NOVA2: variants seen among roughly 807,000 people sequenced by gnomAD.
The protein encoded by NOVA2 is RNA-binding protein Nova-2.
In NOVA2, 9 loss-of-function variants were observed where a neutral mutation model predicts 22.5. That is an observed-to-expected ratio of 0.40 (90% CI 0.24 to 0.70). NOVA2 has a LOEUF of 0.70. NOVA2 is among the 30% of genes least tolerant of loss of function. NOVA2 has a pLI of 0.38. For missense variants in NOVA2, 383 were observed against 682.8 expected, an observed-to-expected ratio of 0.56 and a Z score of 4.89; for synonymous variants, 318 against 335.2, an observed-to-expected ratio of 0.95 and a Z score of 0.56.
chr19:45,957,913 A>G (rs998093911), intron 2 of NOVA2, among the ~76,000 whole-genome samples: 1 of 151,936 alleles, frequency 6.6e-6, no homozygotes, highest in Non-Finnish European at 1.5e-5. Flanking sequence ...CCTGGCCAAT[A>G]TGGTGAAACC....
chr19:45,944,372 G>T (rs1967806446), intron 3 of NOVA2, among the ~76,000 whole-genome samples: 1 of 152,020 alleles, frequency 6.6e-6, no homozygotes, highest in Admixed American at 6.6e-5. Flanking sequence ...AGCCCAGGAG[G>T]TTGAGGCTGC....
intron 1 of NOVA2, among the ~76,000 whole-genome samples, chr19:45,972,705 GC>G (rs1234598320): frequency 4.0e-5 from 6 of 151,780 alleles, no homozygotes; most frequent in Non-Finnish European, 8.8e-5. Flanking sequence ...ACCTGTCCTA[GC>G]CTCACATTCT....
chr19:45,957,515 G>A (rs751901298), intron 2 of NOVA2, among the ~76,000 whole-genome samples: 1 of 151,614 alleles, frequency 6.6e-6, no homozygotes, highest in Non-Finnish European at 1.5e-5. Context: ...CTCCAGCCTG[G>A]GCAACAACAG....
intron 3 of NOVA2, among the ~76,000 whole-genome samples, chr19:45,946,744 C>T (rs1001709452): frequency 4.0e-5 from 6 of 151,886 alleles, no homozygotes; most frequent in East Asian, 1.9e-4. Context: ...TGGTGGCACA[C>T]GCCTGTAGTT....
intron 2 of NOVA2, among the ~76,000 whole-genome samples, chr19:45,959,821 G>GGAGA (rs146270704): frequency 0.3 from 40,874 of 136,130 alleles, 6,022 homozygotes; most frequent in Non-Finnish European, 0.41. Context: ...AGACAGAGAG[G>GGAGA]GAGAGAGAGA....
At chr19:45,964,487 G>A (rs1487855552) in intron 1 of NOVA2, among the ~76,000 whole-genome samples, 4 of 150,896 alleles carry the variant, frequency 2.7e-5, no homozygotes, top group Non-Finnish European at 5.9e-5. Flanking sequence ...CAGCCAGGAA[G>A]CCTATTTTCA....
intron 2 of NOVA2, 67 bp downstream of exon 2, chr19:45,960,943 C>G: frequency 6.7e-7 from 1 of 1,487,910 alleles, no homozygotes; most frequent in Non-Finnish European, 9.1e-7. Flanking sequence ...TCATCTAGGG[C>G]CCAGGTGGGA....
chr19:45,944,944 G>A (rs1292103122), intron 3 of NOVA2, among the ~76,000 whole-genome samples: 2 of 152,126 alleles, frequency 1.3e-5, no homozygotes, highest in Non-Finnish European at 2.9e-5. Flanking sequence ...GTAGATTTGT[G>A]GTGGCTTGGG....
chr19:45,963,576 G>C (rs1357685041), intron 1 of NOVA2, among the ~76,000 whole-genome samples: 1 of 150,454 alleles, frequency 6.6e-6, no homozygotes, highest in Non-Finnish European at 1.5e-5. Context: ...CTGTCGCCCA[G>C]GCTGGAGTGC....
chr19:45,934,461 C>G lies in NOVA2; in HGVS notation c.*5402G>C, dbSNP rs550530407. On this transcript the variant is annotated 3_prime_UTR_variant, in exon 4 of 4. Coordinates refer to ENST00000263257, the MANE Select transcript of NOVA2 (RefSeq NM_002516.4). ...CACCTTTCCACACCTCTCCCACCACCCTGCCGGGGAATCTATGCACCCCAT... is the reference window on the plus strand; with the variant it reads ...CACCTTTCCACACCTCTCCCACCACGCTGCCGGGGAATCTATGCACCCCAT... 1 of 152,364 alleles carries G rather than the reference C, an allele frequency of 6.6e-6. No individual in the cohort carries two copies. Among genetic ancestry groups the G allele is most frequent in the South Asian group, 2.1e-4 (1 of 4,820 alleles). 9.4% of individuals were successfully genotyped at this position (152,364 alleles called of 1,614,324 possible).
chr19:45,973,467 GGCGGGGGCGGCGGCGGCT>G lies in NOVA2; in HGVS notation c.-134_-117del, dbSNP rs1331009378. ...AGGCTGGGGTTGCGGCGGCGGCGGCGGCGGGGGCGGCGGCGGCTGCGGGGCCGCGGAGGCCGTGAAGAG... is the reference window on the plus strand; with the variant it reads ...AGGCTGGGGTTGCGGCGGCGGCGGCGGCGGGGCCGCGGAGGCCGTGAAGAG... On this transcript the variant is annotated 5_prime_UTR_variant, in exon 1 of 4. Coordinates refer to ENST00000263257, the MANE Select transcript of NOVA2 (RefSeq NM_002516.4). 2 of 139,476 alleles carry G rather than the reference GGCGGGGGCGGCGGCGGCT, an allele frequency of 1.4e-5. No individual in the cohort carries two copies. Among genetic ancestry groups the G allele is most frequent in the African/African-American group, 2.7e-5 (1 of 36,638 alleles). 8.6% of individuals were successfully genotyped at this position (139,476 alleles called of 1,614,324 possible). A position where few individuals can be genotyped will look rare whatever the true frequency, so the allele number is the denominator to read the frequency against.
At chr19:45,947,607 A>T (rs1443109573) in intron 3 of NOVA2, among the ~76,000 whole-genome samples, 1 of 151,580 alleles carries the variant, frequency 6.6e-6, no homozygotes, top group Non-Finnish European at 1.5e-5. Flanking sequence ...CCGAGTAGCT[A>T]GGATTACAGG....
intron 3 of NOVA2, among the ~76,000 whole-genome samples, chr19:45,949,414 A>G (rs1967890402): frequency 6.6e-6 from 1 of 151,934 alleles, no homozygotes; most frequent in African/African-American, 2.4e-5. Context: ...CAGGAGTGGT[A>G]TTTAGTCTGT....
intron 1 of NOVA2, among the ~76,000 whole-genome samples, chr19:45,970,576 A>G (rs1054406858): frequency 2.6e-5 from 4 of 152,082 alleles, no homozygotes; most frequent in Admixed American, 1.3e-4. Flanking sequence ...GGGTCTCACC[A>G]TGTTGGCCAA....
chr19:45,971,558 C>T (rs1328979644), intron 1 of NOVA2, among the ~76,000 whole-genome samples: 1 of 152,108 alleles, frequency 6.6e-6, no homozygotes, highest in Non-Finnish European at 1.5e-5. Context: ...TCCCTGATTC[C>T]TGTCCCACCT....
chr19:45,946,612 G>A (rs955765673), intron 3 of NOVA2, among the ~76,000 whole-genome samples: 5 of 152,186 alleles, frequency 3.3e-5, no homozygotes, highest in African/African-American at 1.2e-4. Flanking sequence ...GGTGGCTCAC[G>A]CCTGTAATCC....
intron 3 of NOVA2, among the ~76,000 whole-genome samples, chr19:45,948,492 C>T (rs1373240147): frequency 1.3e-5 from 2 of 148,732 alleles, no homozygotes; most frequent in African/African-American, 5.0e-5. Flanking sequence ...CCCAGCTACT[C>T]GGGAGGCTGA....
At chr19:45,969,291 G>C (rs898786721) in intron 1 of NOVA2, among the ~76,000 whole-genome samples, 1 of 152,094 alleles carries the variant, frequency 6.6e-6, no homozygotes, top group Non-Finnish European at 1.5e-5. Flanking sequence ...GATCACCTGA[G>C]ATCAAGAATT....
intron 3 of NOVA2, among the ~76,000 whole-genome samples, chr19:45,946,022 A>C (rs181649059): frequency 0.02 from 3,051 of 149,268 alleles, 126 homozygotes; most frequent in African/African-American, 0.071. Context: ...AAAAAAAAAA[A>C]GGCCAGGCAT....
Sources: allele counts gnomAD v4.1 joint callset (sites outside exome capture counted in the v4.1 genomes callset), GRCh38; gene constraint gnomAD v4.1.1; transcripts MANE v1.5; gene names NCBI Gene and HGNC (gene_info 2026-07-23, HGNC 2026-07-21).